Variants in RFX3 observed in about 807,000 individuals in gnomAD.
RFX3 encodes regulatory factor X3, also known as transcription factor RFX3.
Under a neutral mutation model 98.6 loss-of-function variants are expected in RFX3, and 14 were observed. The observed-to-expected ratio is 0.14, with a 90% confidence interval of 0.09 to 0.22. The LOEUF (loss-of-function observed/expected upper bound fraction) is 0.22, where lower values mean the gene tolerates loss of function less well. RFX3 is among the 10% of genes least tolerant of loss of function. RFX3 has a pLI of 1.00. For missense variants in RFX3, 639 were observed against 926.9 expected (o/e 0.69, Z 4.03); for synonymous variants, 383 against 328.4 (o/e 1.17, Z -1.80).
chr9:3,280,346 T>C (rs1325814809), intron 7 of RFX3, among the ~76,000 whole-genome samples: 4 of 151,816 alleles, frequency 2.6e-5, no homozygotes, highest in Non-Finnish European at 4.4e-5. Context: ...CAGGTAGTGA[T>C]AACTTTTGCT....
chr9:3,477,382 G>C (rs142324679), intron 1 of RFX3, among the ~76,000 whole-genome samples: 5 of 152,238 alleles, frequency 3.3e-5, no homozygotes, highest in Non-Finnish European at 5.9e-5. Context: ...GAGTTCGTGA[G>C]AATCCTTTCA....
At chr9:3,505,958 T>C (rs1817049185) in intron 1 of RFX3, among the ~76,000 whole-genome samples, 1 of 151,862 alleles carries the variant, frequency 6.6e-6, no homozygotes, top group Admixed American at 6.6e-5. Context: ...TTCACAGCAG[T>C]TCACTTCTTG....
At chr9:3,271,541 C>T (rs142180438) in intron 9 of RFX3, among the ~76,000 whole-genome samples, 1 of 9,064 alleles carries the variant, frequency 1.1e-4, no homozygotes, top group African/African-American at 1.5e-4. Flanking sequence ...TTCTCTCTTT[C>T]TCTTTCTCTC....
intron 3 of RFX3, among the ~76,000 whole-genome samples, chr9:3,342,204 T>A (rs1455808110): frequency 6.6e-6 from 1 of 152,336 alleles, no homozygotes; most frequent in African/African-American, 2.4e-5. Flanking sequence ...TGTGATTTTA[T>A]TAGATATTAC....
chr9:3,508,734 TC>T (rs550907808), intron 1 of RFX3, among the ~76,000 whole-genome samples: 26 of 152,104 alleles, frequency 1.7e-4, no homozygotes, highest in Non-Finnish European at 3.5e-4. Flanking sequence ...GGAAACATAC[TC>T]CTGTTTTATA....
At chr9:3,445,580 ACT>A (rs1845976142) in intron 1 of RFX3, among the ~76,000 whole-genome samples, 1 of 151,728 alleles carries the variant, frequency 6.6e-6, no homozygotes, top group Admixed American at 6.6e-5. Context: ...CTGCGTACAG[ACT>A]CTTTCTTTCT....
chr9:3,441,140 T>C (rs541462376), intron 1 of RFX3, among the ~76,000 whole-genome samples: 1 of 152,312 alleles, frequency 6.6e-6, no homozygotes, highest in Admixed American at 6.5e-5. Context: ...ACTGGGTTTG[T>C]ACAACCAAGT....
At chr9:3,357,116 T>C (rs7027540) in intron 2 of RFX3, among the ~76,000 whole-genome samples, 4,336 of 152,066 alleles carry the variant, frequency 0.029, 213 homozygotes, top group African/African-American at 0.1. Context: ...TACTCACTTT[T>C]TTCATAATAT....
chr9:3,327,865 C>A (rs1425514337), intron 4 of RFX3, among the ~76,000 whole-genome samples: 1 of 150,488 alleles, frequency 6.6e-6, no homozygotes, highest in Non-Finnish European at 1.5e-5. Flanking sequence ...ACATACATAC[C>A]TACATAGAAA....
intron 2 of RFX3, among the ~76,000 whole-genome samples, chr9:3,358,517 A>G (rs1423658103): frequency 2.0e-5 from 3 of 152,172 alleles, no homozygotes; most frequent in Non-Finnish European, 2.9e-5. Context: ...TCTTGATCAC[A>G]TGGAGACTTT....
intron 4 of RFX3, among the ~76,000 whole-genome samples, chr9:3,318,499 T>A (rs1830892165): frequency 6.7e-6 from 1 of 149,772 alleles, no homozygotes; most frequent in African/African-American, 2.5e-5. Flanking sequence ...TGTGCACATG[T>A]ACCCTAGAAA....
intron 1 of RFX3, among the ~76,000 whole-genome samples, chr9:3,477,480 T>C (rs929772358): frequency 3.3e-5 from 5 of 152,224 alleles, no homozygotes; most frequent in African/African-American, 1.2e-4. Context: ...TGACAGTCTT[T>C]TACTTTCAAT....
intron 1 of RFX3, among the ~76,000 whole-genome samples, chr9:3,455,870 C>T (rs981043177): frequency 3.3e-5 from 5 of 152,196 alleles, no homozygotes; most frequent in Non-Finnish European, 7.4e-5. Flanking sequence ...CCAAGTACTT[C>T]GCTTCTATTA....
intron 1 of RFX3, among the ~76,000 whole-genome samples, chr9:3,438,869 G>A (rs1405582361): frequency 6.6e-6 from 1 of 151,856 alleles, no homozygotes; most frequent in Non-Finnish European, 1.5e-5. Context: ...CCAAATAACA[G>A]AGCTCAAAAT....
At chr9:3,374,067 G>A (rs1460657206) in intron 2 of RFX3, among the ~76,000 whole-genome samples, 1 of 150,560 alleles carries the variant, frequency 6.6e-6, no homozygotes, top group Admixed American at 6.6e-5. Context: ...GACAGAGTGA[G>A]ACTCTGTCTC....
Position 3,522,556 on chromosome 9 carries a change from C to CGTGT in RFX3, c.-9+3187_-9+3190dup, listed in dbSNP as rs111656079. 4.8e-3 allele frequency among the ~76,000 whole-genome samples: 702 copies of CGTGT among 145,376 alleles called. 2 individuals carry two copies. The highest frequency in any genetic ancestry group is 0.012 in the African/African-American group (469 of 40,116). ...TTACTGTTCTGGAAAAGTGTGTGTG[C>CGTGT]GTGTGTGTGTGTGTGTGTGTGTGTG... On this transcript the variant is annotated intron_variant, in intron 1 of 16. Coordinates refer to ENST00000617270, the MANE Select transcript of RFX3 (RefSeq NM_001282116.2).
rs774516937 is a variant in RFX3, at chr9:3,334,922, C to A, written c.216-4405G>T. On this transcript the variant is annotated intron_variant, in intron 3 of 16. Coordinates refer to ENST00000617270, the MANE Select transcript of RFX3 (RefSeq NM_001282116.2). ...ATCACCTGAGGTCAGGAGTTCGAGA[C>A]CAGCCTGGCAAACACGGTGAAATTT... Among the ~76,000 whole-genome samples the A allele has an allele frequency of 2.1e-4, 32 of 152,028 alleles. 1 individual carries two copies. Among genetic ancestry groups the A allele is most frequent in the Middle Eastern group, 6.8e-3 (2 of 294 alleles).
intron 1 of RFX3, among the ~76,000 whole-genome samples, chr9:3,404,840 C>T (rs1841815319): frequency 6.6e-6 from 1 of 152,104 alleles, no homozygotes; most frequent in Non-Finnish European, 1.5e-5. Context: ...AGTGTAACAT[C>T]CCAATCACTT....
chr9:3,225,317 A>T (rs1302875592), intron 16 of RFX3, 37 bp from the exon 17 acceptor site: 3 of 1,604,688 alleles, frequency 1.9e-6, no homozygotes, highest in Non-Finnish European at 2.5e-6. Context: ...ATCATCGAAG[A>T]CAAATTAGAA....
Sources: allele counts gnomAD v4.1 joint callset (sites outside exome capture counted in the v4.1 genomes callset), GRCh38; gene constraint gnomAD v4.1.1; transcripts MANE v1.5; gene names NCBI Gene and HGNC (gene_info 2026-07-23, HGNC 2026-07-21).